Variants in PFAS observed in about 807,000 individuals in gnomAD.
The protein encoded by PFAS is FGAM synthase.
A neutral mutation model predicts 140.6 loss-of-function variants in PFAS; 97 were observed. That is an observed-to-expected ratio of 0.69 (90% CI 0.59 to 0.82). The LOEUF (loss-of-function observed/expected upper bound fraction) is 0.82. PFAS is among the 40% of genes least tolerant of loss of function. The pLI, the probability that PFAS is intolerant of heterozygous loss-of-function variation, is 0.00. For synonymous variants in PFAS, 679 were observed against 718.8 expected (o/e 0.94, Z 0.88); for missense variants, 1,656 against 1,780.2 (o/e 0.93, Z 1.26).
Position 8,265,361 on chromosome 17 carries a change from G to C in PFAS, c.2354G>C (p.Cys785Ser). The C allele has an allele frequency of 2.5e-6, 4 of 1,614,222 alleles. No homozygotes were observed. The highest frequency in any genetic ancestry group is 3.4e-6 in the Non-Finnish European group (4 of 1,180,036). ...PGEGAALADA[C>S]EAMVAVMAAL... ...GAGGGCGCAGCTTTGGCGGATGCCT[G>C]TGAGGCTATGGTGGCAGTGATGGCA... is the stretch of plus-strand genomic sequence containing the variant. Residue 785 changes from cysteine (C) to serine (S), a missense_variant, in exon 19 of 28, where the codon TGT becomes TCT. Physicochemically the swap from Cys to Ser is moderately radical, Grantham distance 112 (BLOSUM62 -1). Around this residue, in one of 2 missense-constraint regions of PFAS, gnomAD observed 883 missense variants for 1,023.0 expected, o/e 0.86. Coordinates refer to ENST00000314666, the MANE Select transcript of PFAS (RefSeq NM_012393.3).
intron 26 of PFAS, among the ~76,000 whole-genome samples, chr17:8,268,038 G>A (rs1449768902): frequency 5.1e-4 from 47 of 92,926 alleles, no homozygotes; most frequent in African/African-American, 1.8e-3. Flanking sequence ...ATTAAAATAT[G>A]TATATTTTTA....
chr17:8,252,821 C>T (rs938000560), intron 1 of PFAS, among the ~76,000 whole-genome samples: 1 of 151,976 alleles, frequency 6.6e-6, no homozygotes, highest in African/African-American at 2.4e-5. Flanking sequence ...GGGTTTTTGC[C>T]ATGTTGCCCA....
intron 16 of PFAS, 37 bp from the exon 17 acceptor site, chr17:8,264,433 C>G: frequency 6.2e-7 from 1 of 1,612,878 alleles, no homozygotes; most frequent in African/African-American, 1.3e-5. Flanking sequence ...CAGCCCGCCC[C>G]AGGTGTTCAC....
chr17:8,260,993 G>C (rs1989569010), intron 11 of PFAS, among the ~76,000 whole-genome samples: 1 of 152,132 alleles, frequency 6.6e-6, no homozygotes, highest in Admixed American at 6.5e-5. Flanking sequence ...TGGAATTGCT[G>C]GGTCATGTGG....
rs901182822 is a variant in PFAS, at chr17:8,269,522, C to T, written c.*258C>T. The T allele has an allele frequency of 4.1e-5, 18 of 444,244 alleles. No homozygotes were observed. Among genetic ancestry groups the T allele is most frequent in the Non-Finnish European group, 6.4e-5 (16 of 248,504 alleles). 27.5% of individuals were successfully genotyped at this position (444,244 alleles called of 1,614,324 possible). The stretch of plus-strand genomic sequence containing the variant: ...ACAGCATGTGGTTCAGAGAAAAGAG[C>T]GACAAGGAAAAGTTAGGACTCCTGA... On this transcript the variant is annotated 3_prime_UTR_variant, in exon 28 of 28. Coordinates refer to ENST00000314666, the MANE Select transcript of PFAS (RefSeq NM_012393.3).
rs762239574 is a variant in PFAS, at chr17:8,255,060, C to A, written c.312C>A (p.Ile104=). The A allele has an allele frequency of 5.6e-6, 9 of 1,613,972 alleles. No individual in the cohort carries two copies. The highest frequency in any genetic ancestry group is 6.8e-6 in the Non-Finnish European group (8 of 1,179,944). ...TCTCCACCCCAACATCCACCAACAT[C>A]GTGTCAGTGTGCCGCGCCACTGGGC... ...LNFSTPTSTN[I]VSVCRATGLG... is the part of the protein sequence containing the mutation. The change falls in exon 4 of 28, where the codon ATC becomes ATA. Residue 104 remains isoleucine, a synonymous_variant. Coordinates refer to ENST00000314666, the MANE Select transcript of PFAS (RefSeq NM_012393.3).
chr17:8,250,588 G>A (rs371311912), intron 1 of PFAS, among the ~76,000 whole-genome samples: 1 of 152,180 alleles, frequency 6.6e-6, no homozygotes, highest in Non-Finnish European at 1.5e-5. Context: ...GGTGAGTAAA[G>A]CCAGGGTCCC....
rs141202075 is a variant in PFAS, at chr17:8,267,715, G to A, written c.3382+50G>A. 1,716 of 1,073,276 alleles carry A rather than the reference G, an allele frequency of 1.6e-3. 4 individuals are homozygous for A. Among genetic ancestry groups the A allele is most frequent in the Non-Finnish European group, 2.1e-3 (1,457 of 708,930 alleles). The allele number at this position is 1,073,276 out of a possible 1,614,324, so 66.5% of individuals were successfully genotyped here. A position where few individuals can be genotyped will look rare whatever the true frequency, so the allele number is the denominator to read the frequency against. On this transcript the variant is annotated intron_variant, in intron 26 of 27. Transcript: ENST00000314666. The surrounding 1 kb of genome is among the most constrained non-coding windows in gnomAD (Gnocchi z 4.9). ...TCCCTTCCCCCACATTCCTGAAGAG[G>A]TGCCTTTAGCCCCATCTTCCTGGGC...
chr17:8,264,720 G>C, intron 17 of PFAS, 119 bp downstream of exon 17: 1 of 1,177,964 alleles, frequency 8.5e-7, no homozygotes, highest in Non-Finnish European at 1.2e-6. Flanking sequence ...AGCAGCAGGG[G>C]CAGGGCAGCC....
At chr17:8,258,010 G>C in intron 10 of PFAS, 61 bp from the exon 11 acceptor site, 1 of 1,612,628 alleles carries the variant, frequency 6.2e-7, no homozygotes, top group Non-Finnish European at 8.5e-7. Context: ...CCCAGGGGCT[G>C]TGCTATTGGG....
intron 6 of PFAS, 106 bp downstream of exon 6, chr17:8,256,016 C>A: frequency 2.2e-6 from 2 of 910,030 alleles, no homozygotes; most frequent in South Asian, 1.5e-5. Context: ...CTCCCTGAGT[C>A]TCTGAGGGCC....
intron 13 of PFAS, 133 bp downstream of exon 13, chr17:8,263,398 G>C (rs1597425667): frequency 1.8e-6 from 2 of 1,134,538 alleles, no homozygotes; most frequent in African/African-American, 1.5e-5. Flanking sequence ...GTACATTCTA[G>C]ACAGGTTCAG....
intron 11 of PFAS, among the ~76,000 whole-genome samples, chr17:8,262,270 T>C (rs1427621057): frequency 2.0e-5 from 3 of 152,196 alleles, no homozygotes; most frequent in Non-Finnish European, 4.4e-5. Flanking sequence ...TAATGAGGTC[T>C]CTGTTGTCAG....
intron 11 of PFAS, among the ~76,000 whole-genome samples, chr17:8,259,071 G>C (rs950638429): frequency 1.3e-5 from 2 of 151,290 alleles, no homozygotes; most frequent in Admixed American, 6.6e-5. Flanking sequence ...ACTTGAAGCT[G>C]GGAGGTGGAG....
chr17:8,248,195 G>A (rs1292419792), upstream of PFAS: 2 of 635,932 alleles, frequency 3.1e-6, no homozygotes, highest in Non-Finnish European at 2.8e-6. Flanking sequence ...ACTCCGCGAG[G>A]CGCCTCGGTG....
intron 11 of PFAS, among the ~76,000 whole-genome samples, chr17:8,259,680 C>G (rs1299783409): frequency 6.6e-6 from 1 of 152,074 alleles, no homozygotes; most frequent in Non-Finnish European, 1.5e-5. Flanking sequence ...CCCAGCTACC[C>G]AGGAGGCTTA....
upstream of PFAS, chr17:8,247,802 C>A (rs933967601): frequency 6.6e-6 from 4 of 609,670 alleles, no homozygotes; most frequent in Non-Finnish European, 1.2e-5. Flanking sequence ...CAGTTTAAGG[C>A]TCACAGCGGG....
At chr17:8,251,266 C>A (rs905569735) in intron 1 of PFAS, among the ~76,000 whole-genome samples, 2 of 152,034 alleles carry the variant, frequency 1.3e-5, no homozygotes, top group Admixed American at 6.5e-5. Context: ...AGCCTGGCAA[C>A]AGAGTGAGAC....
chr17:8,261,965 G>A (rs1388104899), intron 11 of PFAS, among the ~76,000 whole-genome samples: 7 of 150,342 alleles, frequency 4.7e-5, no homozygotes, highest in Non-Finnish European at 7.4e-5. Flanking sequence ...GCAGTGAGCC[G>A]AGATTGCATC....
Sources: allele counts gnomAD v4.1 joint callset (sites outside exome capture counted in the v4.1 genomes callset), GRCh38; gene constraint gnomAD v4.1.1; regional missense constraint gnomAD v4.1.1; non-coding constraint Gnocchi (gnomAD v3.1); transcripts MANE v1.5; gene names NCBI Gene and HGNC (gene_info 2026-07-23, HGNC 2026-07-21).